Variants in FRMD4B observed in about 807,000 individuals in gnomAD.
FRMD4B encodes the protein FERM domain-containing protein 4B.
A neutral mutation model predicts 141.5 loss-of-function variants in FRMD4B; 74 were observed. That is an observed-to-expected ratio of 0.52 (90% CI 0.43 to 0.63). The LOEUF (loss-of-function observed/expected upper bound fraction) is 0.63. Among genes scored for constraint, FRMD4B ranks in the 30% least tolerant of loss-of-function variants. The pLI is 0.00. For missense variants in FRMD4B, 1,366 were observed against 1,253.4 expected (o/e 1.09, Z -1.36); for synonymous variants, 506 against 467.9 (o/e 1.08, Z -1.05).
chr3:69,477,262 AG>A (rs1279703878), intron 1 of FRMD4B, among the ~76,000 whole-genome samples: 2 of 151,272 alleles, frequency 1.3e-5, no homozygotes, highest in Non-Finnish European at 2.9e-5. Context: ...GTGGTGAGAG[AG>A]GGCATCCCTG....
intron 1 of FRMD4B, among the ~76,000 whole-genome samples, chr3:69,359,997 T>G: frequency 6.6e-6 from 1 of 152,304 alleles, no homozygotes. Flanking sequence ...GCCTTTCCAT[T>G]TGGCCATTGT....
chr3:69,220,997 A>T (rs1480057068), intron 9 of FRMD4B, among the ~76,000 whole-genome samples: 2 of 147,962 alleles, frequency 1.4e-5, no homozygotes, highest in African/African-American at 5.0e-5. Context: ...GAGTTTCTTT[A>T]TTGTCACCTG....
At position 69,452,527 on chromosome 3, in the gene FRMD4B, C is replaced by T. The variant is rs186869994; in HGVS notation, c.-128-19766G>A. Among the ~76,000 whole-genome samples the T allele has an allele frequency of 5.9e-5, 9 of 152,278 alleles. No homozygotes were observed. The East Asian group carries it at 1.7e-3, about 29-fold the overall frequency. On this transcript the variant is annotated intron_variant, in intron 1 of 5. Coordinates refer to the FRMD4B transcript ENST00000459638. ...GTATTGAGTTAAAGTTTATTAAGTT[C>T]CCAGGGAAGCCTGGCACAGAGTATG...
intron 1 of FRMD4B, among the ~76,000 whole-genome samples, chr3:69,321,944 G>A (rs1702014154): frequency 6.6e-6 from 1 of 152,144 alleles, no homozygotes; most frequent in Non-Finnish European, 1.5e-5. Context: ...CCAGGCTCAA[G>A]TAGTCCTCCT....
intron 1 of FRMD4B, among the ~76,000 whole-genome samples, chr3:69,435,577 C>G (rs1425053566): frequency 2.0e-5 from 3 of 152,192 alleles, no homozygotes; most frequent in Admixed American, 6.5e-5. Context: ...GTAACAGAAA[C>G]TCTCTGGTCC....
intron 11 of FRMD4B, among the ~76,000 whole-genome samples, chr3:69,204,680 C>T (rs2093004808): frequency 6.6e-6 from 1 of 152,194 alleles, no homozygotes; most frequent in African/African-American, 2.4e-5. Context: ...GTTTATGTGA[C>T]TGAGACAAAG....
At chr3:69,484,880 CCCA>C (rs1559542115) in intron 1 of FRMD4B, among the ~76,000 whole-genome samples, 1 of 152,068 alleles carries the variant, frequency 6.6e-6, no homozygotes, top group African/African-American at 2.4e-5. Flanking sequence ...CATGGGCAGG[CCCA>C]GGAAAAAGCA....
At chr3:69,297,131 T>C (rs9810755) in intron 4 of FRMD4B, among the ~76,000 whole-genome samples, 4,268 of 152,276 alleles carry the variant, frequency 0.028, 213 homozygotes, top group African/African-American at 0.097. Context: ...TTTGGCTCTC[T>C]TTAAAAAAAT....
chr3:69,424,508 T>C (rs1705045335), intron 2 of FRMD4B, among the ~76,000 whole-genome samples: 1 of 152,178 alleles, frequency 6.6e-6, no homozygotes, highest in Admixed American at 6.5e-5. Context: ...TCTGAGTGGT[T>C]TCTCTCTTAG....
chr3:69,385,256 T>G (rs1241563879), intron 1 of FRMD4B, among the ~76,000 whole-genome samples: 1 of 151,918 alleles, frequency 6.6e-6, no homozygotes, highest in Non-Finnish European at 1.5e-5. Flanking sequence ...ACCCCTCCCT[T>G]CCCCAGCCTG....
intron 6 of FRMD4B, 60 bp downstream of exon 6, chr3:69,249,983 C>T: frequency 9.4e-7 from 1 of 1,067,218 alleles, no homozygotes; most frequent in Non-Finnish European, 1.5e-6. Flanking sequence ...GAGTTGCAGG[C>T]AGTTAACAAA....
At chr3:69,497,695 C>T (rs1995177) in intron 1 of FRMD4B, among the ~76,000 whole-genome samples, 124,592 of 152,170 alleles carry the variant, frequency 0.82, 51,783 homozygotes, top group East Asian at 0.99. Context: ...TTTACCATTA[C>T]AGAAGAAAGT....
At chr3:69,254,626 G>C (rs139581057) in intron 5 of FRMD4B, among the ~76,000 whole-genome samples, 345 of 152,224 alleles carry the variant, frequency 2.3e-3, no homozygotes, top group African/African-American at 8.0e-3. Context: ...GGTATGCATG[G>C]AGGATTACAC....
intron 1 of FRMD4B, among the ~76,000 whole-genome samples, chr3:69,350,372 G>T (rs955465586): frequency 6.6e-6 from 1 of 152,134 alleles, no homozygotes; most frequent in Non-Finnish European, 1.5e-5. Flanking sequence ...TGACACTGTT[G>T]GTGGGACTGT....
At chr3:69,521,298 G>A (rs1700850172) in intron 1 of FRMD4B, among the ~76,000 whole-genome samples, 1 of 152,130 alleles carries the variant, frequency 6.6e-6, no homozygotes, top group Admixed American at 6.5e-5. Flanking sequence ...TAACTTCTTG[G>A]CAGTCTCTTC....
At chr3:69,351,016 C>G (rs995588383) in intron 1 of FRMD4B, among the ~76,000 whole-genome samples, 4 of 151,714 alleles carry the variant, frequency 2.6e-5, no homozygotes, top group African/African-American at 9.7e-5. Context: ...AGAAAATAAA[C>G]CAATACAAGA....
At chr3:69,267,428 A>T (rs548185635) in intron 5 of FRMD4B, among the ~76,000 whole-genome samples, 1 of 152,150 alleles carries the variant, frequency 6.6e-6, no homozygotes, top group African/African-American at 2.4e-5. Flanking sequence ...TTGAATAAAG[A>T]CTGTATATTA....
At chr3:69,260,266 G>A (rs1371428634) in intron 5 of FRMD4B, among the ~76,000 whole-genome samples, 1 of 152,204 alleles carries the variant, frequency 6.6e-6, no homozygotes, top group Non-Finnish European at 1.5e-5. Flanking sequence ...GAGGTGTGGA[G>A]GGAGAGGCGC....
intron 1 of FRMD4B, among the ~76,000 whole-genome samples, chr3:69,500,144 G>A (rs17006029): frequency 0.043 from 6,565 of 152,234 alleles, 453 homozygotes; most frequent in African/African-American, 0.15. Flanking sequence ...GCTGAGCTGG[G>A]TCACCACTGT....
Sources: allele counts gnomAD v4.1 joint callset (sites outside exome capture counted in the v4.1 genomes callset), GRCh38; gene constraint gnomAD v4.1.1; transcripts MANE v1.5; gene names NCBI Gene and HGNC (gene_info 2026-07-23, HGNC 2026-07-21).